The following PHACTR2 variants were observed in gnomAD, a reference collection of about 807,000 sequenced individuals.
PHACTR2 encodes phosphatase and actin regulator 2, also known as chromosome 6 open reading frame 56.
A neutral mutation model predicts 76.0 loss-of-function variants in PHACTR2; 30 were observed. The observed-to-expected ratio is 0.39, with a 90% CI of 0.30 to 0.54. The LOEUF (loss-of-function observed/expected upper bound fraction) is 0.54, where lower values mean the gene tolerates loss of function less well. PHACTR2 is among the 20% of genes least tolerant of loss of function. The probability of loss-of-function intolerance (pLI) is 0.61; values close to 1 mark genes in which losing one functional copy is unlikely to be tolerated. For synonymous variants in PHACTR2, 292 were observed against 292.5 expected, an observed-to-expected ratio of 1.00 and a Z score of 0.02; for missense variants, 696 against 781.1, an observed-to-expected ratio of 0.89 and a Z score of 1.30.
At chr6:143,786,637 T>C (rs1272566349) in intron 10 of PHACTR2, among the ~76,000 whole-genome samples, 1 of 152,200 alleles carries the variant, frequency 6.6e-6, no homozygotes, top group African/African-American at 2.4e-5. Context: ...GGACTTACAG[T>C]TCCACATGGC....
Position 143,591,743 on chromosome 6 carries a change from G to A in PHACTR2, c.217+54536G>A, listed in dbSNP as rs957394489. Reference sequence around the variant, plus strand: ...CATAAGGGGCCTCCCTGCTCTGGGCGCCACCTTGGCCTCCTCCAATTATCC... The same window carrying A: ...CATAAGGGGCCTCCCTGCTCTGGGCACCACCTTGGCCTCCTCCAATTATCC... On this transcript the variant is annotated intron_variant, in intron 1 of 11. Transcript: ENST00000367584. This position sits in a 1 kb window ranked among gnomAD's most constrained non-coding sequence, Gnocchi z 6.4. Among the ~76,000 whole-genome samples the A allele has an allele frequency of 2.0e-5, 3 of 152,214 alleles. No homozygotes were observed. Among genetic ancestry groups the A allele is most frequent in the African/African-American group, 7.2e-5 (3 of 41,450 alleles).
intron 1 of PHACTR2, among the ~76,000 whole-genome samples, chr6:143,705,496 A>G (rs9496749): frequency 0.033 from 5,004 of 151,916 alleles, 141 homozygotes; most frequent in African/African-American, 0.074. Flanking sequence ...GGGTTTCACC[A>G]TGTTAGCCAA....
At position 143,765,114 on chromosome 6, in the gene PHACTR2, T is replaced by C. The variant is rs1367151450; in HGVS notation, c.695-147T>C. 3.0e-6 allele frequency: 2 copies of C among 659,040 alleles called. No individual in the cohort carries two copies. Among genetic ancestry groups the C allele is most frequent in the Admixed American group, 5.7e-5 (2 of 34,982 alleles). The allele number at this position is 659,040 out of a possible 1,614,324, so 40.8% of individuals were successfully genotyped here. ...GGAGGGGCAGAAGACAAGACTATTA[T>C]CATGATTAGCCTATTTTCTCTTATA... On this transcript the variant is annotated intron_variant, in intron 5 of 12. Transcript: ENST00000440869. This position sits in a 1 kb window ranked among gnomAD's most constrained non-coding sequence, Gnocchi z 4.1.
chr6:143,740,895 G>A (rs2128467815), intron 2 of PHACTR2, among the ~76,000 whole-genome samples: 1 of 152,306 alleles, frequency 6.6e-6, no homozygotes, highest in South Asian at 2.1e-4. Context: ...CCTACTGTGT[G>A]ACTGGAAAAT....
rs1174497918 is a variant in PHACTR2, at chr6:143,541,189, A to G, written c.217+3982A>G. Reference sequence around the variant, plus strand: ...AACAAGGTTCTCATAGTATATGGTCATGTATTCTCTTAAGTTTTAGACAGA... The same window carrying G: ...AACAAGGTTCTCATAGTATATGGTCGTGTATTCTCTTAAGTTTTAGACAGA... On this transcript the variant is annotated intron_variant, in intron 1 of 11. Transcript: ENST00000367584. The surrounding 1 kb of genome is among the most constrained non-coding windows in gnomAD (Gnocchi z 5.3). Among the ~76,000 whole-genome samples, 1 of 152,250 alleles carries G rather than the reference A, an allele frequency of 6.6e-6. No homozygotes were observed. Among genetic ancestry groups the G allele is most frequent in the Non-Finnish European group, 1.5e-5 (1 of 68,044 alleles).
At position 143,663,798 on chromosome 6, in the gene PHACTR2, A is replaced by C. The variant is rs1000204628; in HGVS notation, c.14-48218A>C. ...ATTACATTATGGTCAGAGATCAGGG[A>C]TTACTTAATATGAATTACTTAAAAT... On this transcript the variant is annotated intron_variant, in intron 1 of 11. Coordinates refer to the PHACTR2 transcript ENST00000305766. This position sits in a 1 kb window ranked among gnomAD's most constrained non-coding sequence, Gnocchi z 4.1. 2.0e-5 allele frequency among the ~76,000 whole-genome samples: 3 copies of C among 152,096 alleles called. No homozygotes were observed. The South Asian group carries it at 6.2e-4, about 32-fold the overall frequency.
At chr6:143,762,585 G>A (rs926667209) in intron 5 of PHACTR2, among the ~76,000 whole-genome samples, 2 of 152,086 alleles carry the variant, frequency 1.3e-5, no homozygotes, top group East Asian at 1.9e-4. Flanking sequence ...ATTTGTAACC[G>A]TTTAGAACTT....
intron 1 of PHACTR2, among the ~76,000 whole-genome samples, chr6:143,614,396 G>T (rs975748734): frequency 3.0e-4 from 45 of 152,102 alleles, no homozygotes; most frequent in African/African-American, 1.1e-3. Flanking sequence ...GCACTGTTAA[G>T]ATCCCTTCAT....
intron 1 of PHACTR2, among the ~76,000 whole-genome samples, chr6:143,577,610 A>G (rs898984958): frequency 1.3e-5 from 2 of 152,186 alleles, no homozygotes; most frequent in African/African-American, 4.8e-5. Context: ...ATGAGACCAA[A>G]TTGATATATC....
Position 143,617,775 on chromosome 6 carries a change from T to C in PHACTR2, c.13+9453T>C, listed in dbSNP as rs1180774696. 2.0e-5 allele frequency among the ~76,000 whole-genome samples: 3 copies of C among 152,208 alleles called. No homozygotes were observed. The highest frequency in any genetic ancestry group is 2.9e-5 in the Non-Finnish European group (2 of 68,024). ...GAAAAGAGCAGAGGTGAAATACTGC[T>C]TCCAGGCAATGTATCAGGATAGGAA... On this transcript the variant is annotated intron_variant, in intron 1 of 11. Coordinates refer to the PHACTR2 transcript ENST00000305766. This position sits in a 1 kb window ranked among gnomAD's most constrained non-coding sequence, Gnocchi z 4.8.
In PHACTR2 at chr6:143,709,420, TATTG is replaced by T. The variant is rs1296704120; in HGVS notation, c.47-2591_47-2588del. 6.6e-6 allele frequency among the ~76,000 whole-genome samples: 1 copy of T among 152,244 alleles called. No individual in the cohort carries two copies. The highest frequency in any genetic ancestry group is 1.9e-4 in the East Asian group (1 of 5,200). ...TCATAAGGATTTAGGAAGTGGCATC[TATTG>T]ATTGTCTGTCTTCATTCAGTTTGAG... is the stretch of plus-strand genomic sequence containing the variant. On this transcript the variant is annotated intron_variant, in intron 1 of 12. Coordinates refer to ENST00000440869, the MANE Select transcript of PHACTR2 (RefSeq NM_001100164.2). The surrounding 1 kb of genome is among the most constrained non-coding windows in gnomAD (Gnocchi z 4.4).
At position 143,648,451 on chromosome 6, in the gene PHACTR2, G is replaced by C. The variant is rs1776696552; in HGVS notation, c.13+40129G>C. On this transcript the variant is annotated intron_variant, in intron 1 of 11. Coordinates refer to the PHACTR2 transcript ENST00000305766. The surrounding 1 kb of genome is among the most constrained non-coding windows in gnomAD (Gnocchi z 6.7). ...GACTGTCTCTGCACTGGGAGTCCCT[G>C]GGAGGGGGGGACGAGGAGGAACAGA... Among the ~76,000 whole-genome samples, 1 of 152,172 alleles carries C rather than the reference G, an allele frequency of 6.6e-6. No individual in the cohort carries two copies. The highest frequency in any genetic ancestry group is 1.9e-4 in the East Asian group (1 of 5,202).
rs1034405215 is a variant in PHACTR2, at chr6:143,663,807, T to A, written c.14-48209T>A. Reference sequence around the variant, plus strand: ...TGGTCAGAGATCAGGGATTACTTAATATGAATTACTTAAAATTTATTGAGA... The same window carrying A: ...TGGTCAGAGATCAGGGATTACTTAAAATGAATTACTTAAAATTTATTGAGA... On this transcript the variant is annotated intron_variant, in intron 1 of 11. Coordinates refer to the PHACTR2 transcript ENST00000305766. This position sits in a 1 kb window ranked among gnomAD's most constrained non-coding sequence, Gnocchi z 4.1. 1.3e-5 allele frequency among the ~76,000 whole-genome samples: 2 copies of A among 152,202 alleles called. No individual in the cohort carries two copies. Among genetic ancestry groups the A allele is most frequent in the East Asian group, 3.8e-4 (2 of 5,202 alleles).
chr6:143,666,732 T>G (rs923151079), intron 1 of PHACTR2, among the ~76,000 whole-genome samples: 17 of 152,350 alleles, frequency 1.1e-4, no homozygotes, highest in Middle Eastern at 3.4e-3. Flanking sequence ...ATCATTTGTT[T>G]TTTCTTGTAA....
Position 143,653,180 on chromosome 6 carries a change from G to T in PHACTR2, c.13+44858G>T, listed in dbSNP as rs953220762. Among the ~76,000 whole-genome samples, 7 of 152,144 alleles carry T rather than the reference G, an allele frequency of 4.6e-5. No homozygotes were observed. The highest frequency in any genetic ancestry group is 8.8e-5 in the Non-Finnish European group (6 of 68,026). ...TGGCCCTCTGGAAACAAGGCCAGTC[G>T]CAAGACACGTCAGGAAGCAATTTGT... On this transcript the variant is annotated intron_variant, in intron 1 of 11. Transcript: ENST00000305766. This position sits in a 1 kb window ranked among gnomAD's most constrained non-coding sequence, Gnocchi z 4.9.
At chr6:143,796,393 TTCTTTC>T (rs1253706598) in intron 11 of PHACTR2, among the ~76,000 whole-genome samples, 1 of 147,376 alleles carries the variant, frequency 6.8e-6, no homozygotes, top group Admixed American at 6.7e-5. Context: ...CTTTCTTTCT[TTCTTTC>T]TTTCTTTCTT....
intron 1 of PHACTR2, among the ~76,000 whole-genome samples, chr6:143,588,157 T>C (rs1380759364): frequency 6.6e-6 from 1 of 152,158 alleles, no homozygotes; most frequent in East Asian, 1.9e-4. Flanking sequence ...GTAGATAGAA[T>C]TACAGGATCC....
At chr6:143,632,006 T>G (rs1034365318) in intron 1 of PHACTR2, among the ~76,000 whole-genome samples, 5 of 152,144 alleles carry the variant, frequency 3.3e-5, no homozygotes, top group Admixed American at 6.5e-5. Context: ...AAGCCAGAAA[T>G]GCACTGTTAT....
chr6:143,734,521 T>C (rs930935536), intron 2 of PHACTR2, among the ~76,000 whole-genome samples: 1 of 152,240 alleles, frequency 6.6e-6, no homozygotes, highest in Non-Finnish European at 1.5e-5. Flanking sequence ...TCACTGAGCA[T>C]TCTGTGAAAG....
Sources: gnomAD v4.1 joint callset for allele counts (sites outside exome capture counted in the v4.1 genomes callset) on GRCh38, gnomAD v4.1.1 for gene constraint, Gnocchi (gnomAD v3.1) non-coding constraint, MANE v1.5 for transcripts, NCBI Gene and HGNC (gene_info 2026-07-23, HGNC 2026-07-21) for gene names.